The following AKAP13 variants were observed in gnomAD, a reference collection of about 807,000 sequenced individuals.
AKAP13 encodes A-kinase anchoring protein 13, also known as A-kinase anchor protein 13.
Under a neutral mutation model 264.5 loss-of-function variants are expected in AKAP13, and 80 were observed. That is an observed-to-expected ratio of 0.30 (90% confidence interval 0.25 to 0.36). The LOEUF is 0.36. Ranked by LOEUF, AKAP13 falls within the 10% of genes least tolerant of loss-of-function variation. The pLI is 1.00. For missense variants in AKAP13, 3,712 were observed against 3,435.2 expected (o/e 1.08, Z -2.01); for synonymous variants, 1,380 against 1,250.2 (o/e 1.10, Z -2.19).
rs1431346985 is a variant in AKAP13 at position 85,744,999 on chromosome 15, C to T, written c.*322C>T. 2 of 250,014 alleles carry T rather than the reference C, an allele frequency of 8.0e-6. No homozygotes were observed. The highest frequency in any genetic ancestry group is 1.5e-5 in the Non-Finnish European group (2 of 130,018). 15.5% of individuals were successfully genotyped at this position (250,014 alleles called of 1,614,324 possible). On this transcript the variant is annotated 3_prime_UTR_variant, in exon 37 of 37. Coordinates refer to ENST00000394518, the MANE Select transcript of AKAP13 (RefSeq NM_007200.5). ...TGGACACGTCAGGAATTCCTAAAGGCTGAAAGAGTGTATCCAAGTAAGGTC... is the reference window on the plus strand; with the variant it reads ...TGGACACGTCAGGAATTCCTAAAGGTTGAAAGAGTGTATCCAAGTAAGGTC...
intron 3 of AKAP13, among the ~76,000 whole-genome samples, chr15:85,532,142 G>A (rs576137257): frequency 8.5e-5 from 13 of 152,298 alleles, no homozygotes; most frequent in South Asian, 2.1e-4. Context: ...GATGCCTGGC[G>A]TGTGCTAGGT....
chr15:85,732,723 C>T (rs2088142817), intron 30 of AKAP13, among the ~76,000 whole-genome samples: 1 of 149,780 alleles, frequency 6.7e-6, no homozygotes, highest in Non-Finnish European at 1.5e-5. Context: ...ACCTATTACT[C>T]ATAACTGTTA....
chr15:85,681,507 G>A lies in AKAP13; in HGVS notation c.5102-651G>A, dbSNP rs573455239. On this transcript the variant is annotated intron_variant, in intron 14 of 36. Transcript: ENST00000394518. ...GTTTATGGTCCAGTGGTTGTGGAAGGAAGAAGTACGCATCTGCCTCATTCA... is the reference window on the plus strand; with the variant it reads ...GTTTATGGTCCAGTGGTTGTGGAAGAAAGAAGTACGCATCTGCCTCATTCA... Among the ~76,000 whole-genome samples, 227 of 152,182 alleles carry A rather than the reference G, an allele frequency of 1.5e-3. 1 individual carries two copies. Among genetic ancestry groups the A allele is most frequent in the Non-Finnish European group, 1.6e-3 (111 of 68,016 alleles).
chr15:85,684,653 G>A, intron 15 of AKAP13, 88 bp from the exon 16 acceptor site: 3 of 1,400,300 alleles, frequency 2.1e-6, no homozygotes, highest in South Asian at 1.4e-5. Flanking sequence ...AAGCCATTCA[G>A]CAGCCTTCAT....
intron 8 of AKAP13, among the ~76,000 whole-genome samples, chr15:85,638,344 T>C (rs779055627): frequency 5.6e-4 from 86 of 152,330 alleles, no homozygotes; most frequent in Non-Finnish European, 1.0e-3. Context: ...GTTTGTTTTA[T>C]TTGAGGTTTG....
At chr15:85,665,976 T>C (rs891210562) in intron 13 of AKAP13, among the ~76,000 whole-genome samples, 1 of 152,222 alleles carries the variant, frequency 6.6e-6, no homozygotes, top group African/African-American at 2.4e-5. Context: ...AACAATGCCA[T>C]AATAAACATA....
chr15:85,536,675 C>CT (rs2077409996), intron 4 of AKAP13: 2 of 152,152 alleles, frequency 1.3e-5, no homozygotes, highest in African/African-American at 4.8e-5. Context: ...TGTGCAACAA[C>CT]TTGGATGTGT....
At chr15:85,381,781 T>C (rs2070285924) in intron 1 of AKAP13, 2 of 152,200 alleles carry the variant, frequency 1.3e-5, no homozygotes, top group Non-Finnish European at 1.5e-5. Flanking sequence ...GGAGAGTTTA[T>C]TGCTTCAGTA....
chr15:85,561,082 G>A (rs564783879), intron 5 of AKAP13, among the ~76,000 whole-genome samples: 2 of 145,856 alleles, frequency 1.4e-5, no homozygotes, highest in African/African-American at 5.1e-5. Context: ...TTTTTAAGAC[G>A]GAGTTTGACT....
In AKAP13 at chr15:85,575,184, A is replaced by G. The variant is rs114219897; in HGVS notation, c.716A>G (p.Tyr239Cys). The G allele has an allele frequency of 1.9e-6, 3 of 1,614,044 alleles. No individual in the cohort carries two copies. The highest frequency in any genetic ancestry group is 2.7e-5 in the African/African-American group (2 of 74,924). The change falls in exon 6 of 37, where the codon TAT (tyrosine) becomes TGT (cysteine). Residue 239 changes from tyrosine to cysteine, a missense_variant. Tyr to Cys is a radical substitution (Grantham distance 194). This residue lies in a region of AKAP13 where 2,759 missense variants were observed against 2,411.7 expected (regional missense o/e 1.14). Transcript: ENST00000394518. ...AGCAGTTTATCCTATGAAATACCGT[A>G]TGGAGACTGTTCTGTGAGGCATCAT... ...SWSSLSYEIP[Y>C]GDCSVRHHRE...
chr15:85,601,139 G>T (rs4842892), intron 8 of AKAP13, among the ~76,000 whole-genome samples: 3 of 152,082 alleles, frequency 2.0e-5, no homozygotes, highest in Admixed American at 1.3e-4. Context: ...TACATTAATG[G>T]GCACTAATCC....
Position 85,581,881 on chromosome 15 carries a change from T to A in AKAP13, c.3813T>A (p.Thr1271=). The A allele has an allele frequency of 1.2e-6, 2 of 1,614,162 alleles. No individual in the cohort carries two copies. The highest frequency in any genetic ancestry group is 2.2e-5 in the East Asian group (1 of 44,876). Residue 1271 remains threonine, a synonymous_variant, in exon 7 of 37, where the codon ACT becomes ACA. Coordinates refer to ENST00000394518, the MANE Select transcript of AKAP13 (RefSeq NM_007200.5). ...TCAAGGCCGCTGGAGCACTGCTTAC[T>A]GAGGGGGAGGCCTGTCACATGTCAC... The part of the protein sequence containing the change: ...EQVKAAGALL[T]EGEACHMSLS...
Position 85,664,614 on chromosome 15 carries a change from C to T in AKAP13, c.4851C>T (p.Ser1617=). 2 of 1,613,824 alleles carry T rather than the reference C, an allele frequency of 1.2e-6. No individual in the cohort carries two copies. The highest frequency in any genetic ancestry group is 1.7e-6 in the Non-Finnish European group (2 of 1,179,830). The change falls in exon 13 of 37, where the codon TCC becomes TCT. Residue 1617 remains serine (S), a synonymous_variant. Transcript: ENST00000394518. The stretch of plus-strand genomic sequence containing the variant: ...GAGCTGGTGTCGGAAACAAGCCATC[C>T]TCATCTCTAGAAGTAAGCTCTGCAA... ...TGGAGVGNKP[S]SSLEVSSANA... is the part of the protein sequence containing the mutation.
At chr15:85,544,018 A>T in intron 5 of AKAP13, 63 bp downstream of exon 5, 2 of 1,574,480 alleles carry the variant, frequency 1.3e-6, no homozygotes, top group African/African-American at 1.3e-5. Context: ...GATTCATAGG[A>T]GTACCACCCA....
At chr15:85,480,695 A>AT (rs910844102) in intron 1 of AKAP13, among the ~76,000 whole-genome samples, 12 of 150,504 alleles carry the variant, frequency 8.0e-5, no homozygotes, top group South Asian at 4.2e-4. Flanking sequence ...CTTTCTTCTT[A>AT]TTTTTTTTTG....
chr15:85,418,688 T>A (rs1309079579), intron 1 of AKAP13, among the ~76,000 whole-genome samples: 1 of 152,238 alleles, frequency 6.6e-6, no homozygotes, highest in East Asian at 1.9e-4. Context: ...AATGCAAATA[T>A]TTGGTTGTCT....
At chr15:85,584,085 A>G (rs923060857) in intron 7 of AKAP13, among the ~76,000 whole-genome samples, 1 of 152,144 alleles carries the variant, frequency 6.6e-6, no homozygotes, top group Admixed American at 6.5e-5. Flanking sequence ...GAGAAAAAGC[A>G]CCTGAGTGTG....
chr15:85,569,704 G>T (rs1299648531), intron 5 of AKAP13, among the ~76,000 whole-genome samples: 1 of 151,882 alleles, frequency 6.6e-6, no homozygotes, highest in Non-Finnish European at 1.5e-5. Context: ...CCAAAGTGCT[G>T]GGATTACAAC....
chr15:85,383,940 A>G (rs1358794331), intron 1 of AKAP13, among the ~76,000 whole-genome samples: 5 of 152,236 alleles, frequency 3.3e-5, no homozygotes, highest in Non-Finnish European at 5.9e-5. Context: ...CTTCCTCTTC[A>G]AGATAACACT....
Sources: gnomAD v4.1 joint callset for allele counts (sites outside exome capture counted in the v4.1 genomes callset) on GRCh38, gnomAD v4.1.1 for gene constraint, gnomAD v4.1.1 regional missense constraint, MANE v1.5 for transcripts, NCBI Gene and HGNC (gene_info 2026-07-23, HGNC 2026-07-21) for gene names.